The following JAM2 variants were observed in gnomAD, a reference collection of about 807,000 sequenced individuals.
JAM2 encodes junctional adhesion molecule B.
In JAM2, 17 loss-of-function variants were observed where a neutral mutation model predicts 42.0. The ratio of observed to expected loss-of-function variants is 0.40; its 90% CI spans 0.28 to 0.61. JAM2 has a LOEUF of 0.61. JAM2 is among the 20% of genes least tolerant of loss of function. The pLI is 0.37. For missense variants in JAM2, 319 were observed against 358.3 expected (o/e 0.89, Z 0.89); for synonymous variants, 118 against 128.6 (o/e 0.92, Z 0.56).
chr21:25,649,508 G>A (rs979745783), intron 1 of JAM2, among the ~76,000 whole-genome samples: 11 of 152,056 alleles, frequency 7.2e-5, no homozygotes, highest in African/African-American at 2.7e-4. Context: ...ACCTGCCACC[G>A]TGTCTCTCCC....
chr21:25,666,877 T>G (rs752084379), intron 1 of JAM2, among the ~76,000 whole-genome samples: 1 of 152,176 alleles, frequency 6.6e-6, no homozygotes, highest in Non-Finnish European at 1.5e-5. Context: ...AGAAAAATAT[T>G]TTAGGAATTG....
intron 7 of JAM2, among the ~76,000 whole-genome samples, chr21:25,708,587 C>T (rs1042403706): frequency 3.9e-5 from 6 of 152,076 alleles, no homozygotes; most frequent in African/African-American, 1.2e-4. Context: ...ACAAAAAGAG[C>T]GGCTCTGTCA....
chr21:25,653,385 C>T (rs941898807), intron 1 of JAM2, among the ~76,000 whole-genome samples: 7 of 152,098 alleles, frequency 4.6e-5, no homozygotes, highest in Admixed American at 6.5e-5. Flanking sequence ...GAGCCTGGGA[C>T]GGTTTGTTGC....
At position 25,714,901 on chromosome 21, in the gene JAM2, G is replaced by T; in HGVS notation, c.*229G>T. 2.5e-6 allele frequency: 1 copy of T among 397,838 alleles called. No homozygotes were observed. 24.6% of individuals were successfully genotyped at this position (397,838 alleles called of 1,614,324 possible). Reference sequence around the variant, plus strand: ...TTCTTGTGTCTGGACTAAGTTAAAAGAATTAAAATACTTTGTAATGTCCTG... The same window carrying T: ...TTCTTGTGTCTGGACTAAGTTAAAATAATTAAAATACTTTGTAATGTCCTG... On this transcript the variant is annotated 3_prime_UTR_variant, in exon 10 of 10. Coordinates refer to ENST00000480456, the MANE Select transcript of JAM2 (RefSeq NM_021219.4).
At chr21:25,668,816 A>G (rs10854295) in intron 1 of JAM2, among the ~76,000 whole-genome samples, 50,161 of 151,968 alleles carry the variant, frequency 0.33, 9,822 homozygotes, top group East Asian at 0.62. Context: ...GATTTGACCA[A>G]GGATGGGAGC....
At chr21:25,702,662 A>G (rs1380842267) in intron 6 of JAM2, among the ~76,000 whole-genome samples, 1 of 152,202 alleles carries the variant, frequency 6.6e-6, no homozygotes, top group Admixed American at 6.5e-5. Context: ...TATTCACCAA[A>G]TTAATTCAGG....
intron 6 of JAM2, among the ~76,000 whole-genome samples, chr21:25,703,803 A>G (rs898014425): frequency 1.3e-5 from 2 of 150,918 alleles, no homozygotes; most frequent in Admixed American, 1.3e-4. Flanking sequence ...TTCATACTTA[A>G]TGTTACATTT....
intron 8 of JAM2, among the ~76,000 whole-genome samples, chr21:25,710,824 T>C (rs1307783297): frequency 6.6e-6 from 1 of 152,174 alleles, no homozygotes; most frequent in Non-Finnish European, 1.5e-5. Context: ...TGGTGTCATT[T>C]TAATTTTTCA....
chr21:25,713,644 G>C (rs1022303747), intron 9 of JAM2, among the ~76,000 whole-genome samples: 1 of 152,170 alleles, frequency 6.6e-6, no homozygotes, highest in South Asian at 2.1e-4. Context: ...TTCAAAAACT[G>C]TTCCAGAAAC....
intron 1 of JAM2, among the ~76,000 whole-genome samples, chr21:25,669,103 T>G (rs564773738): frequency 6.4e-4 from 98 of 152,286 alleles, no homozygotes; most frequent in African/African-American, 2.3e-3. Flanking sequence ...CCAGGTGTGG[T>G]GGCTTACACC....
At chr21:25,688,067 C>G (rs2033789757) in intron 2 of JAM2, among the ~76,000 whole-genome samples, 1 of 152,190 alleles carries the variant, frequency 6.6e-6, no homozygotes, top group Non-Finnish European at 1.5e-5. Flanking sequence ...AGTACTCAAC[C>G]TATTTTGGAT....
chr21:25,707,542 G>A (rs1349775795), intron 7 of JAM2, among the ~76,000 whole-genome samples: 1 of 152,282 alleles, frequency 6.6e-6, no homozygotes, highest in South Asian at 2.1e-4. Flanking sequence ...GTATTTATGA[G>A]AGCTACTTCT....
chr21:25,677,296 A>G (rs2123358215), intron 1 of JAM2, among the ~76,000 whole-genome samples: 1 of 152,242 alleles, frequency 6.6e-6, no homozygotes, highest in East Asian at 1.9e-4. Flanking sequence ...TGCCTACATA[A>G]TTTTGCCAAT....
intron 9 of JAM2, among the ~76,000 whole-genome samples, chr21:25,712,965 G>A (rs1308223270): frequency 6.6e-6 from 1 of 152,166 alleles, no homozygotes; most frequent in East Asian, 1.9e-4. Flanking sequence ...CCACAATCAA[G>A]GCACCAGTAG....
At chr21:25,714,189 C>T (rs1350039124) in intron 9 of JAM2, 5 of 1,302,316 alleles carry the variant, frequency 3.8e-6, no homozygotes, top group African/African-American at 1.5e-5. Flanking sequence ...AGTTAATTCC[C>T]CATAAAACAA....
intron 3 of JAM2, 74 bp downstream of exon 3, chr21:25,690,047 T>C: frequency 1.1e-6 from 1 of 906,076 alleles, no homozygotes. Flanking sequence ...AATTGGCAAA[T>C]GAGATCGGAC....
Position 25,689,846 on chromosome 21 carries a change from A to G in JAM2, c.134-20A>G, listed in dbSNP as rs559884997. ...TCATGGGGACAATTAGAAAACAAGT[A>G]TTTTTATTGTTGTTCCTAGAGGCTA... On this transcript the variant is annotated intron_variant, in intron 2 of 9. Transcript: ENST00000480456. 3.2e-5 allele frequency: 47 copies of G among 1,471,412 alleles called. No homozygotes were observed. In the South Asian group the frequency reaches 4.6e-4, roughly 14 times the overall value. 91.1% of individuals were successfully genotyped at this position (1,471,412 alleles called of 1,614,324 possible).
chr21:25,655,255 A>G (rs2032898123), intron 1 of JAM2, among the ~76,000 whole-genome samples: 1 of 151,304 alleles, frequency 6.6e-6, no homozygotes. Flanking sequence ...TATTGTCTCT[A>G]TTTTTGTATA....
chr21:25,674,362 T>C (rs1338129138), intron 1 of JAM2, among the ~76,000 whole-genome samples: 4 of 151,938 alleles, frequency 2.6e-5, no homozygotes, highest in African/African-American at 9.7e-5. Context: ...GCTACTACAC[T>C]CTACCCTCGG....
Sources: gnomAD v4.1 joint callset for allele counts (sites outside exome capture counted in the v4.1 genomes callset) on GRCh38, gnomAD v4.1.1 for gene constraint, MANE v1.5 for transcripts, NCBI Gene and HGNC (gene_info 2026-07-23, HGNC 2026-07-21) for gene names.